Variants in NEGR1 observed in about 807,000 individuals in gnomAD.
The protein encoded by NEGR1 is neuronal growth regulator 1.
NEGR1 carries 10 observed loss-of-function variants against 40.9 expected under a neutral mutation model. That is an observed-to-expected ratio of 0.24 (90% CI 0.15 to 0.42). The LOEUF is 0.42. Among genes scored for constraint, NEGR1 ranks in the 10% least tolerant of loss-of-function variants. The probability of loss-of-function intolerance (pLI) is 1.00; values close to 1 mark genes in which losing one functional copy is unlikely to be tolerated. For missense variants in NEGR1, 352 were observed against 438.9 expected, an observed-to-expected ratio of 0.80 and a Z score of 1.77; for synonymous variants, 185 against 166.8, an observed-to-expected ratio of 1.11 and a Z score of -0.84.
At chr1:71,465,145 T>C (rs1020043314) in intron 6 of NEGR1, among the ~76,000 whole-genome samples, 1 of 152,102 alleles carries the variant, frequency 6.6e-6, no homozygotes, top group African/African-American at 2.4e-5. Flanking sequence ...GTTAATAGAA[T>C]TATAGTATAC....
intron 4 of NEGR1, among the ~76,000 whole-genome samples, chr1:71,658,254 G>A (rs962291586): frequency 1.3e-5 from 2 of 152,106 alleles, no homozygotes; most frequent in South Asian, 4.1e-4. Context: ...ATTGCCATAA[G>A]TTAAGGTTTT....
chr1:71,895,139 A>G (rs1250777939), intron 2 of NEGR1, among the ~76,000 whole-genome samples: 1 of 152,010 alleles, frequency 6.6e-6, no homozygotes, highest in Non-Finnish European at 1.5e-5. Flanking sequence ...TTAATTTAGG[A>G]GCTATTTTAT....
At chr1:71,550,866 G>T (rs1057255558) in intron 6 of NEGR1, among the ~76,000 whole-genome samples, 12 of 151,610 alleles carry the variant, frequency 7.9e-5, no homozygotes, top group Non-Finnish European at 1.2e-4. Flanking sequence ...GCAATGTCGA[G>T]TTGGGCAAGC....
chr1:71,738,332 G>A (rs1200624539), intron 3 of NEGR1: 1 of 249,660 alleles, frequency 4.0e-6, no homozygotes, highest in South Asian at 6.7e-5. Context: ...AGACAAATAA[G>A]CAACAAGAAA....
In NEGR1 at chr1:71,994,554, A is replaced by C. The variant is rs966343349; in HGVS notation, c.177-59243T>G. Among the ~76,000 whole-genome samples the C allele has an allele frequency of 4.9e-3, 750 of 151,960 alleles. 4 individuals carry two copies. The highest frequency in any genetic ancestry group is 0.016 in the African/African-American group (681 of 41,448). ...AAAACAAAACAAAACAAACAAAAAA[A>C]AAAAACACTCATCACAAAAATTTAA... On this transcript the variant is annotated intron_variant, in intron 1 of 6. Transcript: ENST00000357731.
chr1:71,569,293 AT>A (rs1193252229), intron 6 of NEGR1, among the ~76,000 whole-genome samples: 1 of 152,180 alleles, frequency 6.6e-6, no homozygotes, highest in Non-Finnish European at 1.5e-5. Flanking sequence ...TCTTAGATAA[AT>A]GAATGAATCA....
chr1:72,138,342 C>A (rs79917622), intron 1 of NEGR1, among the ~76,000 whole-genome samples: 581 of 151,820 alleles, frequency 3.8e-3, no homozygotes, highest in African/African-American at 0.013. Flanking sequence ...ATGAAAACTA[C>A]AAAGCAGGGT....
intron 2 of NEGR1, among the ~76,000 whole-genome samples, chr1:71,864,985 C>G (rs1463670155): frequency 1.3e-5 from 2 of 152,128 alleles, no homozygotes; most frequent in African/African-American, 4.8e-5. Flanking sequence ...GAGAGGTACA[C>G]ACTAAGAACA....
intron 1 of NEGR1, among the ~76,000 whole-genome samples, chr1:71,970,317 G>T (rs1646244977): frequency 6.6e-6 from 1 of 152,064 alleles, no homozygotes; most frequent in Non-Finnish European, 1.5e-5. Context: ...CAAGGAATTT[G>T]GGTTTTATTT....
intron 4 of NEGR1, among the ~76,000 whole-genome samples, chr1:71,691,470 T>A (rs2101622417): frequency 6.6e-6 from 1 of 151,992 alleles, no homozygotes; most frequent in African/African-American, 2.4e-5. Context: ...TAGCTCCTCA[T>A]ATCTCTTTTG....
chr1:71,969,044 C>T (rs557673297), intron 1 of NEGR1, among the ~76,000 whole-genome samples: 95 of 151,442 alleles, frequency 6.3e-4, no homozygotes, highest in African/African-American at 2.2e-3. Flanking sequence ...GACAGAGTTT[C>T]GCTCTTGTTG....
rs543212467 is a variant in NEGR1 at position 71,689,766 on chromosome 1, G to A, written c.667+8242C>T. Among the ~76,000 whole-genome samples the A allele has an allele frequency of 4.2e-3, 638 of 150,436 alleles. 6 individuals carry two copies. Among genetic ancestry groups the A allele is most frequent in the African/African-American group, 0.015 (606 of 41,100 alleles). ...TAAGAGGAAAGAGAGGAGAGGAAAC[G>A]AATAATATGGCAGTCACAAATAAAT... On this transcript the variant is annotated intron_variant, in intron 4 of 6. Coordinates refer to ENST00000357731, the MANE Select transcript of NEGR1 (RefSeq NM_173808.3).
At chr1:71,497,995 T>C (rs984729746) in intron 6 of NEGR1, among the ~76,000 whole-genome samples, 2 of 152,042 alleles carry the variant, frequency 1.3e-5, no homozygotes, top group East Asian at 3.9e-4. Context: ...TAGGAGCTGA[T>C]AGCTTCCACA....
intron 1 of NEGR1, among the ~76,000 whole-genome samples, chr1:72,197,262 T>C (rs1442895392): frequency 2.0e-5 from 3 of 152,012 alleles, no homozygotes; most frequent in Admixed American, 1.3e-4. Context: ...TCTTTAGTAT[T>C]TAAAAATGAG....
chr1:71,557,944 G>C (rs1424480756), intron 6 of NEGR1, among the ~76,000 whole-genome samples: 1 of 151,496 alleles, frequency 6.6e-6, no homozygotes, highest in African/African-American at 2.4e-5. Context: ...ACTTGGAAGA[G>C]CACTGGTTGG....
At chr1:72,250,343 C>G (rs1655045509) in intron 1 of NEGR1, among the ~76,000 whole-genome samples, 1 of 152,026 alleles carries the variant, frequency 6.6e-6, no homozygotes, top group South Asian at 2.1e-4. Context: ...CTACCCTTAC[C>G]TTTCTAGCAT....
chr1:71,625,430 G>C (rs1465184120), intron 4 of NEGR1, among the ~76,000 whole-genome samples: 5 of 151,796 alleles, frequency 3.3e-5, no homozygotes, highest in African/African-American at 4.8e-5. Context: ...AAACAATACA[G>C]TGTAACAGCT....
intron 1 of NEGR1, among the ~76,000 whole-genome samples, chr1:72,247,339 C>G (rs1654935338): frequency 6.6e-6 from 1 of 152,164 alleles, no homozygotes; most frequent in Non-Finnish European, 1.5e-5. Flanking sequence ...TTATGCTTTG[C>G]TTTCTGTTTA....
intron 2 of NEGR1, among the ~76,000 whole-genome samples, chr1:71,884,001 C>A (rs1436040651): frequency 6.6e-6 from 1 of 151,044 alleles, no homozygotes; most frequent in Non-Finnish European, 1.5e-5. Context: ...TTTTTTTTTA[C>A]TTTCCTAGAT....
Sources: allele counts gnomAD v4.1 joint callset (sites outside exome capture counted in the v4.1 genomes callset), GRCh38; gene constraint gnomAD v4.1.1; transcripts MANE v1.5; gene names NCBI Gene and HGNC (gene_info 2026-07-23, HGNC 2026-07-21).